The following HOMER1 variants were observed in gnomAD, a reference collection of about 807,000 sequenced individuals.
The protein encoded by HOMER1 is homer protein homolog 1.
A neutral mutation model predicts 48.9 loss-of-function variants in HOMER1; 3 were observed. That is an observed-to-expected ratio of 0.06 (90% CI 0.03 to 0.16). The LOEUF is 0.16. Ranked by LOEUF, HOMER1 falls within the 10% of genes least tolerant of loss-of-function variation. The pLI, the probability that HOMER1 is intolerant of heterozygous loss-of-function variation, is 1.00. For missense variants in HOMER1, 247 were observed against 411.4 expected (o/e 0.60, Z 3.46); for synonymous variants, 134 against 146.4 (o/e 0.92, Z 0.61).
At chr5:79,427,612 A>G (rs577717035) in intron 5 of HOMER1, among the ~76,000 whole-genome samples, 77 of 151,596 alleles carry the variant, frequency 5.1e-4, no homozygotes, top group Non-Finnish European at 9.6e-4. Context: ...TATGTTTACA[A>G]CCTTCCTTCC....
chr5:79,377,674 T>A (rs898281389), intron 8 of HOMER1, among the ~76,000 whole-genome samples: 8 of 152,126 alleles, frequency 5.3e-5, no homozygotes, highest in South Asian at 2.1e-4. Flanking sequence ...GTGGAAATTT[T>A]AAAAAAATTA....
intron 2 of HOMER1, among the ~76,000 whole-genome samples, chr5:79,454,911 G>A (rs1751127344): frequency 3.3e-5 from 5 of 152,096 alleles, no homozygotes; most frequent in African/African-American, 1.2e-4. Flanking sequence ...CAACCCTATG[G>A]TGGAATGATG....
chr5:79,404,881 A>G (rs1275848516), intron 5 of HOMER1, among the ~76,000 whole-genome samples: 2 of 148,144 alleles, frequency 1.4e-5, no homozygotes, highest in African/African-American at 5.0e-5. Flanking sequence ...TTTTTTTTTA[A>G]TATTTTTAGT....
chr5:79,383,219 T>C (rs1033335997), intron 8 of HOMER1, among the ~76,000 whole-genome samples: 1 of 151,984 alleles, frequency 6.6e-6, no homozygotes, highest in African/African-American at 2.4e-5. Flanking sequence ...ATAAAGTAAA[T>C]ATTACTAGAT....
chr5:79,440,715 G>A (rs1750714768), intron 4 of HOMER1, among the ~76,000 whole-genome samples: 1 of 152,286 alleles, frequency 6.6e-6, no homozygotes, highest in East Asian at 1.9e-4. Context: ...TAACCAGCCA[G>A]TAAGATATCA....
intron 5 of HOMER1, among the ~76,000 whole-genome samples, chr5:79,430,941 A>T (rs560530594): frequency 4.6e-5 from 7 of 152,270 alleles, no homozygotes; most frequent in East Asian, 1.9e-4. Flanking sequence ...AAAATAAAAA[A>T]AAAATAAATA....
intron 4 of HOMER1, among the ~76,000 whole-genome samples, chr5:79,442,791 A>G (rs564725040): frequency 3.4e-4 from 51 of 152,222 alleles, no homozygotes; most frequent in Non-Finnish European, 6.6e-4. Context: ...TTGAGATCCC[A>G]TGGCAGTGAG....
chr5:79,382,991 C>T (rs1358985957), intron 8 of HOMER1, among the ~76,000 whole-genome samples: 2 of 152,168 alleles, frequency 1.3e-5, no homozygotes, highest in African/African-American at 4.8e-5. Flanking sequence ...AAGAAACATA[C>T]TTTACTTGTA....
chr5:79,441,434 A>C (rs1026896447), intron 4 of HOMER1, among the ~76,000 whole-genome samples: 1 of 152,170 alleles, frequency 6.6e-6, no homozygotes, highest in African/African-American at 2.4e-5. Context: ...TAATGCTACT[A>C]AAGTAGAAAG....
At chr5:79,452,063 T>C (rs1314294677) in intron 2 of HOMER1, among the ~76,000 whole-genome samples, 1 of 152,192 alleles carries the variant, frequency 6.6e-6, no homozygotes, top group Non-Finnish European at 1.5e-5. Context: ...AACCTATGCA[T>C]ACTCAAGTCC....
At chr5:79,446,600 C>T (rs1296536021) in intron 4 of HOMER1, among the ~76,000 whole-genome samples, 1 of 151,846 alleles carries the variant, frequency 6.6e-6, no homozygotes, top group Non-Finnish European at 1.5e-5. Context: ...ATAGAAAAAC[C>T]TTTTTCCACC....
chr5:79,384,939 A>G (rs1749071386), intron 8 of HOMER1, among the ~76,000 whole-genome samples: 3 of 152,164 alleles, frequency 2.0e-5, no homozygotes, highest in Admixed American at 2.0e-4. Flanking sequence ...AAAATTCAAC[A>G]TCGCTTCATG....
At chr5:79,387,071 C>A (rs80257997) in intron 8 of HOMER1, among the ~76,000 whole-genome samples, 8,413 of 124,032 alleles carry the variant, frequency 0.068, 319 homozygotes, top group South Asian at 0.16. Flanking sequence ...TCCTTTCTTT[C>A]TCTATCTCTC....
In HOMER1 at chr5:79,444,014, A is replaced by G. The variant is rs10035604; in HGVS notation, c.387+3039T>C. ...TAACCAGTCTCTTACACCTCCCTCA[A>G]ATAAAAACAAAAGCTTTGACCAACC... On this transcript the variant is annotated intron_variant, in intron 4 of 8. Transcript: ENST00000334082. 5.0e-3 allele frequency among the ~76,000 whole-genome samples: 754 copies of G among 152,288 alleles called. 3 individuals are homozygous for G. The highest frequency in any genetic ancestry group is 8.4e-3 in the Non-Finnish European group (569 of 68,012).
intron 1 of HOMER1, among the ~76,000 whole-genome samples, chr5:79,503,232 CAT>C (rs913667742): frequency 1.6e-4 from 25 of 152,066 alleles, no homozygotes; most frequent in Non-Finnish European, 8.8e-5. Flanking sequence ...AAAAATAAAA[CAT>C]GTTATTAAGA....
intron 5 of HOMER1, among the ~76,000 whole-genome samples, chr5:79,410,489 C>CA (rs59290866): frequency 4.6e-3 from 483 of 104,966 alleles, no homozygotes; most frequent in East Asian, 0.013. Context: ...AACTCTATCT[C>CA]AAAAAAAAAA....
chr5:79,390,077 G>C (rs746435226), intron 8 of HOMER1, among the ~76,000 whole-genome samples: 1 of 152,148 alleles, frequency 6.6e-6, no homozygotes, highest in African/African-American at 2.4e-5. Context: ...CTTGGGCCCA[G>C]GAGTTCAAGA....
chr5:79,447,736 A>G (rs1750923184), intron 3 of HOMER1, among the ~76,000 whole-genome samples: 1 of 152,200 alleles, frequency 6.6e-6, no homozygotes, highest in East Asian at 1.9e-4. Flanking sequence ...TTTAAGATGG[A>G]TAACAATTTC....
intron 5 of HOMER1, among the ~76,000 whole-genome samples, chr5:79,421,250 A>C (rs1750088986): frequency 6.6e-6 from 1 of 152,210 alleles, no homozygotes; most frequent in Non-Finnish European, 1.5e-5. Flanking sequence ...GTGCCCCCAG[A>C]TGCTGTAAGG....
Sources: gnomAD v4.1 joint callset for allele counts (sites outside exome capture counted in the v4.1 genomes callset) on GRCh38, gnomAD v4.1.1 for gene constraint, MANE v1.5 for transcripts, NCBI Gene and HGNC (gene_info 2026-07-23, HGNC 2026-07-21) for gene names.